The following NREP variants were observed in gnomAD, a reference collection of about 807,000 sequenced individuals.
The protein encoded by NREP is neuronal regeneration-related protein.
In NREP, 5 loss-of-function variants were observed where a neutral mutation model predicts 8.6. The observed-to-expected ratio is 0.58, with a 90% CI of 0.30 to 1.22. NREP has a LOEUF of 1.22. Ranked by LOEUF, NREP falls within the 50% of genes most tolerant of loss-of-function variation. NREP has a pLI of 0.07. For synonymous variants in NREP, 27 were observed against 28.0 expected (o/e 0.96, Z 0.11); for missense variants, 86 against 82.5 (o/e 1.04, Z -0.17).
intron 2 of NREP, among the ~76,000 whole-genome samples, chr5:111,908,511 A>G (rs551239426): frequency 6.6e-6 from 1 of 152,158 alleles, no homozygotes; most frequent in African/African-American, 2.4e-5. Context: ...GTTTCCACTT[A>G]TAAGTGAGAA....
intron 2 of NREP, among the ~76,000 whole-genome samples, chr5:111,810,100 A>G (rs1003378250): frequency 6.6e-6 from 1 of 152,146 alleles, no homozygotes; most frequent in Non-Finnish European, 1.5e-5. Flanking sequence ...AGATATAGCT[A>G]GACCGAAAGA....
intron 2 of NREP, among the ~76,000 whole-genome samples, chr5:111,828,125 G>C (rs899650448): frequency 2.6e-5 from 4 of 151,922 alleles, no homozygotes; most frequent in Non-Finnish European, 5.9e-5. Flanking sequence ...CCAGCTCCCA[G>C]GTTCAAGCGA....
At chr5:111,876,885 A>G (rs1753923099) in intron 2 of NREP, among the ~76,000 whole-genome samples, 1 of 152,234 alleles carries the variant, frequency 6.6e-6, no homozygotes. Context: ...TGGGGCACAG[A>G]AAAGTTAAAT....
chr5:111,887,685 A>T (rs960940748), intron 2 of NREP, among the ~76,000 whole-genome samples: 5 of 152,188 alleles, frequency 3.3e-5, no homozygotes, highest in African/African-American at 1.2e-4. Flanking sequence ...TTTCACTGAG[A>T]CTGTTCACAT....
intron 2 of NREP, among the ~76,000 whole-genome samples, chr5:111,963,489 C>A (rs1403818324): frequency 6.6e-6 from 1 of 152,154 alleles, no homozygotes; most frequent in Non-Finnish European, 1.5e-5. Flanking sequence ...AGAAATAGAG[C>A]AATTTGAGAA....
intron 2 of NREP, among the ~76,000 whole-genome samples, chr5:111,873,274 T>C (rs1167252606): frequency 6.6e-6 from 1 of 152,132 alleles, no homozygotes; most frequent in Non-Finnish European, 1.5e-5. Flanking sequence ...AGAAGAACGG[T>C]ATCAGTTTTC....
intron 2 of NREP, among the ~76,000 whole-genome samples, chr5:111,838,125 T>C (rs943230503): frequency 1.9e-4 from 29 of 152,154 alleles, no homozygotes; most frequent in African/African-American, 7.0e-4. Flanking sequence ...ACAAAATTAA[T>C]ATCAGTAATT....
chr5:111,850,701 T>G (rs1323952677), intron 2 of NREP, among the ~76,000 whole-genome samples: 1 of 152,126 alleles, frequency 6.6e-6, no homozygotes, highest in Non-Finnish European at 1.5e-5. Flanking sequence ...AGTCTCCTTC[T>G]TCCATTCTCT....
chr5:111,877,262 C>T (rs563929967), intron 2 of NREP, among the ~76,000 whole-genome samples: 12 of 152,256 alleles, frequency 7.9e-5, no homozygotes, highest in Admixed American at 1.3e-4. Context: ...CCTGGGTCTC[C>T]GGCAATAAAC....
chr5:111,798,004 T>C (rs1048248013), intron 2 of NREP, among the ~76,000 whole-genome samples: 2 of 152,184 alleles, frequency 1.3e-5, no homozygotes, highest in African/African-American at 4.8e-5. Context: ...CTCTCAGACA[T>C]AGTTATTATT....
intron 2 of NREP, among the ~76,000 whole-genome samples, chr5:111,802,948 T>C (rs1752047938): frequency 6.6e-6 from 1 of 152,188 alleles, no homozygotes; most frequent in Non-Finnish European, 1.5e-5. Context: ...TATGAAAAGA[T>C]AATCATAGAA....
At chr5:111,765,133 T>C (rs977283533) in intron 2 of NREP, among the ~76,000 whole-genome samples, 1 of 152,126 alleles carries the variant, frequency 6.6e-6, no homozygotes, top group African/African-American at 2.4e-5. Flanking sequence ...GGGGTATGGT[T>C]TTGGGAGAAA....
intron 2 of NREP, among the ~76,000 whole-genome samples, chr5:111,915,127 C>G (rs1048172014): frequency 6.6e-6 from 1 of 152,020 alleles, no homozygotes; most frequent in Non-Finnish European, 1.5e-5. Context: ...ATTTCTAAGA[C>G]TTCCCTCAGG....
chr5:111,820,397 C>T (rs563491161), intron 2 of NREP, among the ~76,000 whole-genome samples: 19 of 152,226 alleles, frequency 1.2e-4, no homozygotes, highest in Admixed American at 2.6e-4. Context: ...GCAAGTAAGT[C>T]TTAGAGAGTA....
intron 2 of NREP, among the ~76,000 whole-genome samples, chr5:111,781,644 C>T (rs1751497193): frequency 6.6e-6 from 1 of 152,164 alleles, no homozygotes; most frequent in Non-Finnish European, 1.5e-5. Context: ...ATAAATAATA[C>T]ATCCTCACTT....
At chr5:111,807,991 C>T (rs1270126740) in intron 2 of NREP, among the ~76,000 whole-genome samples, 2 of 152,144 alleles carry the variant, frequency 1.3e-5, no homozygotes, top group Non-Finnish European at 2.9e-5. Flanking sequence ...ATGAGGTTTT[C>T]CTTTCTGTGG....
chr5:111,910,050 A>G (rs1754870921), intron 2 of NREP, among the ~76,000 whole-genome samples: 1 of 152,168 alleles, frequency 6.6e-6, no homozygotes, highest in South Asian at 2.1e-4. Flanking sequence ...TACTGTTATC[A>G]TATAATGCAC....
intron 2 of NREP, among the ~76,000 whole-genome samples, chr5:111,881,345 C>T (rs1420177586): frequency 1.3e-5 from 2 of 152,162 alleles, no homozygotes; most frequent in African/African-American, 4.8e-5. Flanking sequence ...TGGGTGGAGC[C>T]CACCACAGCT....
rs116756428 is a variant in NREP at position 111,836,819 on chromosome 5, A to G, written c.136-101312T>C. 3.6e-3 allele frequency among the ~76,000 whole-genome samples: 550 copies of G among 152,200 alleles called. 1 individual carries two copies. The highest frequency in any genetic ancestry group is 6.2e-3 in the Non-Finnish European group (418 of 67,964). On this transcript the variant is annotated intron_variant, in intron 2 of 3. Transcript: ENST00000395634. ...TACATTTTTTGTGTATATAACTTCA[A>G]AAGGGTGTCCCGTGTTTTAACTTGT... is the stretch of plus-strand genomic sequence containing the variant.
Sources: gnomAD v4.1 joint callset for allele counts (sites outside exome capture counted in the v4.1 genomes callset) on GRCh38, gnomAD v4.1.1 for gene constraint, MANE v1.5 for transcripts, NCBI Gene and HGNC (gene_info 2026-07-23, HGNC 2026-07-21) for gene names.